The following EXT1 variants were observed in gnomAD, a reference collection of about 807,000 sequenced individuals.
EXT1 encodes the protein exostosin glycosyltransferase 1.
EXT1 carries 20 observed loss-of-function variants against 82.5 expected under a neutral mutation model. That is an observed-to-expected ratio of 0.24 (90% CI 0.17 to 0.35). The LOEUF is 0.35. Among genes scored for constraint, EXT1 ranks in the 10% least tolerant of loss-of-function variants. EXT1 has a pLI of 1.00. For synonymous variants in EXT1, 348 were observed against 350.8 expected, an observed-to-expected ratio of 0.99 and a Z score of 0.09; for missense variants, 757 against 936.5, an observed-to-expected ratio of 0.81 and a Z score of 2.50.
chr8:117,860,956 A>T (rs1461061976), intron 1 of EXT1, among the ~76,000 whole-genome samples: 9 of 152,260 alleles, frequency 5.9e-5, no homozygotes, highest in Non-Finnish European at 8.8e-5. Flanking sequence ...AGCTGTCATT[A>T]GTCCAAATAG....
At chr8:117,897,940 A>T (rs1051509226) in intron 1 of EXT1, among the ~76,000 whole-genome samples, 1 of 152,136 alleles carries the variant, frequency 6.6e-6, no homozygotes, top group Non-Finnish European at 1.5e-5. Flanking sequence ...TTCCACTTTG[A>T]ATGCAAGAAG....
At chr8:117,993,258 A>G (rs1361857644) in intron 1 of EXT1, among the ~76,000 whole-genome samples, 1 of 152,230 alleles carries the variant, frequency 6.6e-6, no homozygotes, top group African/African-American at 2.4e-5. Flanking sequence ...AGAAATATGT[A>G]TGCATTCATA....
At chr8:117,973,874 AGGAAAGGAAAGGAAG>A (rs1815004676) in intron 1 of EXT1, among the ~76,000 whole-genome samples, 1 of 117,368 alleles carries the variant, frequency 8.5e-6, no homozygotes, top group Non-Finnish European at 1.8e-5. Context: ...AGGAAAGGAA[AGGAAAGGAAAGGAAG>A]GAAAGGAAAG....
intron 1 of EXT1, among the ~76,000 whole-genome samples, chr8:117,996,796 T>TCAAATG (rs1378591574): frequency 6.6e-6 from 1 of 152,188 alleles, no homozygotes; most frequent in Non-Finnish European, 1.5e-5. Context: ...CAGAAATTGT[T>TCAAATG]CAAATGGCTC....
chr8:117,995,559 T>C (rs1457392035), intron 1 of EXT1, among the ~76,000 whole-genome samples: 2 of 152,070 alleles, frequency 1.3e-5, no homozygotes, highest in African/African-American at 2.4e-5. Flanking sequence ...ACAAGCAATG[T>C]AGAGTTGAGG....
rs1446088830 is a variant in EXT1 at position 117,795,384 on chromosome 8, A to G, written c.*4328T>C. 6.6e-6 allele frequency: 1 copy of G among 152,076 alleles called. No individual in the cohort carries two copies. The highest frequency in any genetic ancestry group is 1.5e-5 in the Non-Finnish European group (1 of 68,028). The allele number at this position is 152,076 out of a possible 1,614,324, so 9.4% of individuals were successfully genotyped here. A position where few individuals can be genotyped will look rare whatever the true frequency, so the allele number is the denominator to read the frequency against. ...TTGAGGAGTCAAATCCATCATCACAATTATGGTGTAAATAACAGCTTTTTT... is the reference window on the plus strand; with the variant it reads ...TTGAGGAGTCAAATCCATCATCACAGTTATGGTGTAAATAACAGCTTTTTT... On this transcript the variant is annotated 3_prime_UTR_variant, in exon 11 of 11. Coordinates refer to ENST00000378204, the MANE Select transcript of EXT1 (RefSeq NM_000127.3).
At chr8:118,091,003 T>C (rs1817513912) in intron 1 of EXT1, among the ~76,000 whole-genome samples, 1 of 152,010 alleles carries the variant, frequency 6.6e-6, no homozygotes. Flanking sequence ...AGTCTGTCCC[T>C]TCCTTCAATG....
chr8:117,883,598 T>C (rs1813098086), intron 1 of EXT1, among the ~76,000 whole-genome samples: 1 of 152,250 alleles, frequency 6.6e-6, no homozygotes, highest in Non-Finnish European at 1.5e-5. Flanking sequence ...ACTCTTTTCT[T>C]TCTGGCTTTC....
chr8:118,023,902 C>T (rs2279121), intron 1 of EXT1, among the ~76,000 whole-genome samples: 36,274 of 152,120 alleles, frequency 0.24, 5,163 homozygotes, highest in South Asian at 0.41. Context: ...CATATTTGTT[C>T]ACCCTCACAT....
chr8:118,033,666 C>G (rs368447588), intron 1 of EXT1, among the ~76,000 whole-genome samples: 38 of 151,932 alleles, frequency 2.5e-4, no homozygotes, highest in South Asian at 6.3e-4. Context: ...TTTGTAGAGA[C>G]GAGGGGTCTC....
chr8:117,855,111 C>CCTCT (rs1274481103), intron 1 of EXT1, among the ~76,000 whole-genome samples: 1 of 152,162 alleles, frequency 6.6e-6, no homozygotes, highest in East Asian at 1.9e-4. Context: ...GCAGTCATAT[C>CCTCT]CTCTCTCCCC....
chr8:117,889,974 A>T (rs1252669515), intron 1 of EXT1, among the ~76,000 whole-genome samples: 1 of 152,166 alleles, frequency 6.6e-6, no homozygotes, highest in Non-Finnish European at 1.5e-5. Flanking sequence ...CCCTGACAAA[A>T]CCACTTAGAA....
intron 1 of EXT1, among the ~76,000 whole-genome samples, chr8:117,898,133 C>T (rs1004320970): frequency 6.6e-6 from 1 of 152,202 alleles, no homozygotes; most frequent in African/African-American, 2.4e-5. Context: ...CCATAACTTC[C>T]TGTTGTCTCC....
intron 1 of EXT1, among the ~76,000 whole-genome samples, chr8:118,058,392 C>A (rs1816829247): frequency 6.6e-6 from 1 of 152,100 alleles, no homozygotes; most frequent in South Asian, 2.1e-4. Flanking sequence ...AGTATGTTTC[C>A]TTTTAATGCA....
At chr8:117,939,585 AAG>A (rs1240241621) in intron 1 of EXT1, among the ~76,000 whole-genome samples, 5,965 of 149,560 alleles carry the variant, frequency 0.04, 360 homozygotes, top group African/African-American at 0.14. Context: ...AAAAAAAAAA[AAG>A]AAAAAGAAAA....
chr8:117,835,651 G>T, intron 2 of EXT1, 100 bp from the exon 3 acceptor site: 1 of 857,326 alleles, frequency 1.2e-6, no homozygotes. Context: ...TGGCATTTTT[G>T]ACACTGCATG....
At position 117,819,730 on chromosome 8, in the gene EXT1, G is replaced by C; in HGVS notation, c.1482C>G (p.Ser494=). The part of the protein sequence containing the change: ...IHAVTPLVSQ[S]QPVLKLLVAA... ...CCACGAGAAGCTTCAACACTGGCTG[G>C]GACTGAGAGACCAGGGGGGTCACCG... Residue 494 remains serine, a synonymous_variant, in exon 6 of 11, where the codon TCC becomes TCG. Coordinates refer to ENST00000378204, the MANE Select transcript of EXT1 (RefSeq NM_000127.3). The C allele has an allele frequency of 6.2e-7, 1 of 1,613,276 alleles. No homozygotes were observed. Among genetic ancestry groups the C allele is most frequent in the Non-Finnish European group, 8.5e-7 (1 of 1,180,030 alleles).
intron 1 of EXT1, among the ~76,000 whole-genome samples, chr8:118,046,582 TCTGCCTCTG>T (rs1189308261): frequency 3.3e-5 from 5 of 152,206 alleles, no homozygotes; most frequent in African/African-American, 1.2e-4. Context: ...ACCACCTCAC[TCTGCCTCTG>T]CTGCCTCTGA....
chr8:117,811,826 G>A (rs1398248108), intron 8 of EXT1, among the ~76,000 whole-genome samples: 1 of 152,158 alleles, frequency 6.6e-6, no homozygotes, highest in Non-Finnish European at 1.5e-5. Context: ...ATATTGGCCA[G>A]GCTGGTCTCG....
Sources: gnomAD v4.1 joint callset for allele counts (sites outside exome capture counted in the v4.1 genomes callset) on GRCh38, gnomAD v4.1.1 for gene constraint, MANE v1.5 for transcripts, NCBI Gene and HGNC (gene_info 2026-07-23, HGNC 2026-07-21) for gene names.